AKAP6: variants seen among roughly 807,000 people sequenced by gnomAD.
AKAP6 encodes the protein A-kinase anchoring protein 6, also known as A-kinase anchor protein 6.
A neutral mutation model predicts 188.5 loss-of-function variants in AKAP6; 58 were observed. The observed-to-expected ratio is 0.31, with a 90% CI of 0.25 to 0.38. The LOEUF is 0.38. AKAP6 is among the 10% of genes least tolerant of loss of function. The pLI, the probability that AKAP6 is intolerant of heterozygous loss-of-function variation, is 1.00. For missense variants in AKAP6, 2,710 were observed against 2,740.0 expected, an observed-to-expected ratio of 0.99 and a Z score of 0.24; for synonymous variants, 989 against 998.6, an observed-to-expected ratio of 0.99 and a Z score of 0.18.
chr14:32,489,737 T>C (rs1384803465), intron 2 of AKAP6, among the ~76,000 whole-genome samples: 2 of 152,238 alleles, frequency 1.3e-5, no homozygotes, highest in Non-Finnish European at 2.9e-5. Context: ...TTCCTTGCTT[T>C]ACAGTCTTAA....
At chr14:32,416,241 A>G (rs1220817417) in intron 1 of AKAP6, among the ~76,000 whole-genome samples, 1 of 152,166 alleles carries the variant, frequency 6.6e-6, no homozygotes, top group Non-Finnish European at 1.5e-5. Context: ...GATAGTACCC[A>G]TACCAGTCAG....
intron 1 of AKAP6, among the ~76,000 whole-genome samples, chr14:32,380,750 C>T (rs1888327906): frequency 6.6e-6 from 1 of 152,172 alleles, no homozygotes. Flanking sequence ...TGCTAGAGTC[C>T]TGTCACGTGA....
chr14:32,599,326 G>A, intron 5 of AKAP6, 84 bp from the exon 6 acceptor site: 1 of 1,149,534 alleles, frequency 8.7e-7, no homozygotes, highest in Non-Finnish European at 1.3e-6. Context: ...TGTGGTTCTT[G>A]ATAAAAAGTA....
At chr14:32,517,467 C>G (rs1327303739) in intron 2 of AKAP6, among the ~76,000 whole-genome samples, 1 of 152,106 alleles carries the variant, frequency 6.6e-6, no homozygotes, top group East Asian at 1.9e-4. Context: ...GAGTGTGAGC[C>G]AAAGCAGGGC....
chr14:32,505,082 A>G (rs1401742172), intron 2 of AKAP6, among the ~76,000 whole-genome samples: 6 of 152,214 alleles, frequency 3.9e-5, no homozygotes, highest in African/African-American at 1.2e-4. Flanking sequence ...GGAGCACTGA[A>G]TATTAGAAAT....
At chr14:32,470,477 T>C (rs1394377574) in intron 2 of AKAP6, among the ~76,000 whole-genome samples, 2 of 152,214 alleles carry the variant, frequency 1.3e-5, no homozygotes, top group African/African-American at 4.8e-5. Context: ...GTAAATTGTA[T>C]CACTGCTGTC....
At chr14:32,372,911 A>G (rs997957486) in intron 1 of AKAP6, among the ~76,000 whole-genome samples, 2 of 152,012 alleles carry the variant, frequency 1.3e-5, no homozygotes, top group African/African-American at 4.8e-5. Context: ...TTTTGAGAAT[A>G]CTGAGAATGA....
intron 7 of AKAP6, among the ~76,000 whole-genome samples, chr14:32,660,442 A>C (rs1266679208): frequency 6.6e-6 from 1 of 152,088 alleles, no homozygotes. Flanking sequence ...GGTTGTTCCT[A>C]ATTGTGGGCA....
intron 2 of AKAP6, among the ~76,000 whole-genome samples, chr14:32,488,938 C>A (rs1188267173): frequency 6.6e-6 from 1 of 152,194 alleles, no homozygotes; most frequent in Non-Finnish European, 1.5e-5. Flanking sequence ...GCACTACAGA[C>A]TGGAGCTGTT....
chr14:32,443,261 G>T (rs1023016975), intron 2 of AKAP6, among the ~76,000 whole-genome samples: 56 of 152,148 alleles, frequency 3.7e-4, no homozygotes, highest in African/African-American at 1.2e-3. Flanking sequence ...GGGCGTGGTG[G>T]TGGGCGCCTA....
rs150896213 is a variant in AKAP6 at position 32,519,984 on chromosome 14, A to G, written c.325-15570A>G. 2.0e-3 allele frequency among the ~76,000 whole-genome samples: 303 copies of G among 152,340 alleles called. 2 individuals carry two copies. The highest frequency in any genetic ancestry group is 7.0e-3 in the African/African-American group (290 of 41,570). On this transcript the variant is annotated intron_variant, in intron 2 of 13. Transcript: ENST00000280979. Reference sequence around the variant, plus strand: ...CAGCAAATGTAAAAGAACAGAAATTATAACAAACTGTCTCTCAGACCACAA... The same window carrying G: ...CAGCAAATGTAAAAGAACAGAAATTGTAACAAACTGTCTCTCAGACCACAA...
At chr14:32,669,264 T>C (rs139800444) in intron 7 of AKAP6, among the ~76,000 whole-genome samples, 1 of 152,328 alleles carries the variant, frequency 6.6e-6, no homozygotes, top group Admixed American at 6.5e-5. Context: ...CCTTTAGTCC[T>C]ATGACTCCCT....
At chr14:32,509,282 G>T (rs11627129) in intron 2 of AKAP6, among the ~76,000 whole-genome samples, 1 of 151,422 alleles carries the variant, frequency 6.6e-6, no homozygotes, top group Non-Finnish European at 1.5e-5. Flanking sequence ...ACACTACCAC[G>T]CCTGGCTAAT....
chr14:32,779,676 A>C (rs555139427), intron 12 of AKAP6, among the ~76,000 whole-genome samples: 1 of 152,272 alleles, frequency 6.6e-6, no homozygotes, highest in African/African-American at 2.4e-5. Flanking sequence ...TAAAGCAAAA[A>C]TTGATACAAC....
chr14:32,534,139 A>G lies in AKAP6; in HGVS notation c.325-1415A>G, dbSNP rs186162698. On this transcript the variant is annotated intron_variant, in intron 2 of 13. Transcript: ENST00000280979. ...TTTTAAATACAGATTATATATTTTC[A>G]TTTTTCTCTTTAAAAAAGTAACTGA... 4.8e-3 allele frequency among the ~76,000 whole-genome samples: 738 copies of G among 152,182 alleles called. 5 individuals carry two copies. Among genetic ancestry groups the G allele is most frequent in the East Asian group, 0.013 (68 of 5,186 alleles).
chr14:32,703,146 A>G (rs1890682848), intron 9 of AKAP6, among the ~76,000 whole-genome samples: 1 of 152,120 alleles, frequency 6.6e-6, no homozygotes, highest in Admixed American at 6.6e-5. Context: ...TTGAATAGTA[A>G]GAGTTGGGCA....
In AKAP6 at chr14:32,453,575, C is replaced by CTTTTTTTTTTTTTTTTTTTT. The variant is rs71115071; in HGVS notation, c.324+19778_324+19797dup. The stretch of plus-strand genomic sequence containing the variant: ...GTGGAGATAATAGAATTTTTCTTTT[C>CTTTTTTTTTTTTTTTTTTTT]TTTTTTTTTTTTTTTTTTTTTTTTT... On this transcript the variant is annotated intron_variant, in intron 2 of 13. Transcript: ENST00000280979. 1.3e-4 allele frequency among the ~76,000 whole-genome samples: 12 copies of CTTTTTTTTTTTTTTTTTTTT among 95,354 alleles called. 1 individual carries two copies. The highest frequency in any genetic ancestry group is 2.4e-4 in the Non-Finnish European group (11 of 46,570). The allele number at this position is 95,354 out of a possible 152,430, so 62.6% of individuals were successfully genotyped here.
At chr14:32,501,590 T>A (rs901789420) in intron 2 of AKAP6, among the ~76,000 whole-genome samples, 1 of 151,876 alleles carries the variant, frequency 6.6e-6, no homozygotes, top group Non-Finnish European at 1.5e-5. Context: ...GAAAAAAAAA[T>A]AGGTTTGGCG....
intron 5 of AKAP6, among the ~76,000 whole-genome samples, chr14:32,597,485 G>A (rs1489364902): frequency 2.6e-5 from 4 of 152,158 alleles, no homozygotes; most frequent in East Asian, 1.9e-4. Flanking sequence ...GAGGATGTCC[G>A]TGGCAGTGGC....
Sources: allele counts gnomAD v4.1 joint callset (sites outside exome capture counted in the v4.1 genomes callset), GRCh38; gene constraint gnomAD v4.1.1; transcripts MANE v1.5; gene names NCBI Gene and HGNC (gene_info 2026-07-23, HGNC 2026-07-21).